Variants in LRRC56 observed in about 807,000 individuals in gnomAD.
LRRC56 encodes the protein leucine-rich repeat-containing protein 56.
Under a neutral mutation model 47.8 loss-of-function variants are expected in LRRC56, and 41 were observed. That is an observed-to-expected ratio of 0.86 (90% CI 0.67 to 1.11). The LOEUF is 1.11. Among genes scored for constraint, LRRC56 ranks in the 50% most tolerant of loss-of-function variants. The pLI, the probability that LRRC56 is intolerant of heterozygous loss-of-function variation, is 0.00. For missense variants in LRRC56, 759 were observed against 704.2 expected, an observed-to-expected ratio of 1.08 and a Z score of -0.88; for synonymous variants, 387 against 311.2, an observed-to-expected ratio of 1.24 and a Z score of -2.56.
the LRRC56 span, among the ~76,000 whole-genome samples, chr11:511,218 G>T: frequency 1.3e-5 from 2 of 151,926 alleles, no homozygotes; most frequent in Non-Finnish European, 2.9e-5. Flanking sequence ...CTACTTGGGA[G>T]GCTGAGGCAG....
At chr11:532,622 C>T (rs919648299), upstream of LRRC56, 9 of 1,608,578 alleles carry the variant, frequency 5.6e-6, no homozygotes, top group East Asian at 2.0e-4. Context: ...CCCTGGGAGT[C>T]CCCCTCACCT....
intron 13 of LRRC56, among the ~76,000 whole-genome samples, chr11:553,344 A>T (rs765925881): frequency 2.3e-4 from 35 of 152,080 alleles, no homozygotes; most frequent in Admixed American, 5.9e-4. Flanking sequence ...TCTGTGCAGG[A>T]GCCTGGTTAA....
the LRRC56 span, among the ~76,000 whole-genome samples, chr11:523,964 A>G: frequency 6.6e-6 from 1 of 152,246 alleles, no homozygotes; most frequent in East Asian, 1.9e-4. Flanking sequence ...AGAAAACTAC[A>G]AGATCTGAAG....
Position 554,052 on chromosome 11 carries a change from T to C in LRRC56, c.1405T>C (p.Ser469Pro). The C allele has an allele frequency of 6.2e-7, 1 of 1,611,018 alleles. No homozygotes were observed. The highest frequency in any genetic ancestry group is 1.7e-4 in the Middle Eastern group (1 of 6,052). ...RDSGSSSPRW[S>P]TDLQSRGRRL... Reference sequence around the variant, plus strand: ...TTCTGGCAGCAGCTCCCCGCGGTGGTCGACAGACCTGCAGTCCAGGGGGCG... The same window carrying C: ...TTCTGGCAGCAGCTCCCCGCGGTGGCCGACAGACCTGCAGTCCAGGGGGCG... Residue 469 changes from serine to proline, a missense_variant, in exon 14 of 14, where the codon TCG becomes CCG. By Grantham distance (74) the Ser-to-Pro change is moderately conservative. Coordinates refer to ENST00000270115, the MANE Select transcript of LRRC56 (RefSeq NM_198075.4).
At position 551,405 on chromosome 11, in the gene LRRC56, G is replaced by A. The variant is rs7396875; in HGVS notation, c.796+103G>A. 0.87 allele frequency: 729,635 copies of A among 836,460 alleles called. 319,041 individuals carry two copies. Among genetic ancestry groups the A allele is most frequent in the East Asian group, 0.93 (33,946 of 36,514 alleles). 51.8% of individuals were successfully genotyped at this position (836,460 alleles called of 1,614,324 possible). A position where few individuals can be genotyped will look rare whatever the true frequency, so the allele number is the denominator to read the frequency against. The stretch of plus-strand genomic sequence containing the variant: ...AGAAACGGATAGCCACATCTCATGC[G>A]CTTCTCCAGCCTTGACCCCGGTCCC... On this transcript the variant is annotated intron_variant, in intron 9 of 13. Transcript: ENST00000270115.
At chr11:518,761 G>A in the LRRC56 span, among the ~76,000 whole-genome samples, 2 of 152,170 alleles carry the variant, frequency 1.3e-5, no homozygotes, top group Non-Finnish European at 2.9e-5. Flanking sequence ...GCCCCGGGCT[G>A]CCCACGACGG....
chr11:533,765 C>G (rs1851270546), upstream of LRRC56: 1 of 1,613,308 alleles, frequency 6.2e-7, no homozygotes, highest in African/African-American at 1.3e-5. Flanking sequence ...ACGGGGTTCA[C>G]CTGTACTGGT....
At chr11:520,668 C>T in the LRRC56 span, among the ~76,000 whole-genome samples, 1 of 152,042 alleles carries the variant, frequency 6.6e-6, no homozygotes, top group Non-Finnish European at 1.5e-5. Context: ...AAATAATGAG[C>T]CCCATGCCTG....
chr11:535,959 C>T (rs897368426), upstream of LRRC56, among the ~76,000 whole-genome samples: 2 of 152,168 alleles, frequency 1.3e-5, no homozygotes, highest in African/African-American at 2.4e-5. Flanking sequence ...CGCGGAGGTC[C>T]CGGGGCTACG....
chr11:540,633 G>T, intron 3 of LRRC56, 41 bp from the exon 4 acceptor site: 1 of 1,564,748 alleles, frequency 6.4e-7, no homozygotes, highest in South Asian at 1.1e-5. Flanking sequence ...AGAGGAGGAG[G>T]AGCAACAGCG....
chr11:543,812 A>G (rs1391246683), intron 5 of LRRC56, among the ~76,000 whole-genome samples: 2 of 151,880 alleles, frequency 1.3e-5, no homozygotes, highest in South Asian at 2.1e-4. Flanking sequence ...GCAGTGGCGC[A>G]ATCTCGGCTC....
At chr11:508,633 G>A in the LRRC56 span, among the ~76,000 whole-genome samples, 6 of 151,664 alleles carry the variant, frequency 4.0e-5, no homozygotes, top group East Asian at 1.2e-3. Flanking sequence ...CAGGCATGGT[G>A]GTGGGCACCT....
upstream of LRRC56, chr11:534,655 T>G (rs1286442141): frequency 4.9e-6 from 2 of 408,552 alleles, no homozygotes; most frequent in Admixed American, 7.8e-5. Flanking sequence ...GCACCCAAAT[T>G]AGAAGCTGCT....
the LRRC56 span, among the ~76,000 whole-genome samples, chr11:513,675 A>G: frequency 6.6e-6 from 1 of 152,072 alleles, no homozygotes; most frequent in Non-Finnish European, 1.5e-5. Flanking sequence ...AAGAAGCTCA[A>G]TGTGGCCAGC....
At chr11:521,252 T>G in the LRRC56 span, among the ~76,000 whole-genome samples, 1 of 152,186 alleles carries the variant, frequency 6.6e-6, no homozygotes, top group Admixed American at 6.5e-5. Context: ...AAATGGTAAC[T>G]CACCATGGGT....
the LRRC56 span, among the ~76,000 whole-genome samples, chr11:519,053 G>GTCCGCTGTGCAAACCGGTCCT: frequency 6.7e-3 from 1,016 of 152,340 alleles, 8 homozygotes; most frequent in Admixed American, 0.012. Context: ...GCTCCCGTGT[G>GTCCGCTGTGCAAACCGGTCCT]TCCGCTGTGC....
At chr11:507,626 T>TGGGGCGC in the LRRC56 span, among the ~76,000 whole-genome samples, 8 of 152,052 alleles carry the variant, frequency 5.3e-5, no homozygotes, top group South Asian at 4.1e-4. Flanking sequence ...CGGGCCTTGC[T>TGGGGCGC]GGGGCGCGGG....
At position 551,969 on chromosome 11, in the gene LRRC56, T is replaced by C; in HGVS notation, c.1038+2T>C. 6.2e-7 allele frequency: 1 copy of C among 1,612,596 alleles called. No individual in the cohort carries two copies. Among genetic ancestry groups the C allele is most frequent in the Non-Finnish European group, 8.5e-7 (1 of 1,179,882 alleles). ...CGGGAGCGTAGGCACCAGTGCCAGG[T>C]ACAGCCCACAGGGACCAGCCCCCCA... is the stretch of plus-strand genomic sequence containing the variant. On this transcript the variant is annotated splice_donor_variant, in intron 11 of 13. Transcript: ENST00000270115. LOFTEE classifies it high-confidence loss of function.
chr11:532,290 G>A, the LRRC56 span: 11 of 474,208 alleles, frequency 2.3e-5, no homozygotes, highest in Admixed American at 1.4e-4. Context: ...CCCGACAAGG[G>A]CCCACAGAGG....
Sources: gnomAD v4.1 joint callset for allele counts (sites outside exome capture counted in the v4.1 genomes callset) on GRCh38, gnomAD v4.1.1 for gene constraint, MANE v1.5 for transcripts, NCBI Gene and HGNC (gene_info 2026-07-23, HGNC 2026-07-21) for gene names.